The following CLCN7 variants were observed in gnomAD, a reference collection of about 807,000 sequenced individuals.
CLCN7 encodes the protein Cl-/H+ antiporter 7, also known as H(+)/Cl(-) exchange transporter 7.
A neutral mutation model predicts 102.1 loss-of-function variants in CLCN7; 60 were observed. That is an observed-to-expected ratio of 0.59 (90% confidence interval 0.48 to 0.73). The LOEUF is 0.73. Ranked by LOEUF, CLCN7 falls within the 30% of genes least tolerant of loss-of-function variation. CLCN7 has a pLI of 0.00. For missense variants in CLCN7, 962 were observed against 1,125.7 expected, an observed-to-expected ratio of 0.85 and a Z score of 2.08; for synonymous variants, 560 against 490.5, an observed-to-expected ratio of 1.14 and a Z score of -1.87.
intron 15 of CLCN7, chr16:1,452,334 G>T (rs1278780938): frequency 4.2e-5 from 11 of 262,168 alleles, no homozygotes; most frequent in Non-Finnish European, 7.5e-5. Context: ...TGGTTCCTCT[G>T]AGCGTAGTGC....
At chr16:1,452,141 A>C (rs2142373682) in intron 15 of CLCN7, 1 of 301,000 alleles carries the variant, frequency 3.3e-6, no homozygotes, top group African/African-American at 2.2e-5. Flanking sequence ...ACGGGGCTGG[A>C]GCAGAGTGTA....
chr16:1,464,014 A>G (rs1192196271), intron 2 of CLCN7, among the ~76,000 whole-genome samples: 1 of 152,174 alleles, frequency 6.6e-6, no homozygotes, highest in Non-Finnish European at 1.5e-5. Context: ...AGCTCAATGA[A>G]TCCATCTGCT....
rs147296981 is a variant in CLCN7 at position 1,463,719 on chromosome 16, A to G, written c.213+1548T>C. 7.4e-3 allele frequency among the ~76,000 whole-genome samples: 1,130 copies of G among 151,788 alleles called. 20 individuals carry two copies. Among genetic ancestry groups the G allele is most frequent in the African/African-American group, 0.026 (1,066 of 41,298 alleles). On this transcript the variant is annotated intron_variant, in intron 2 of 24. Transcript: ENST00000382745. ...GGCTGATCTCCAAATCCTGGGCTGC[A>G]GCCTTGGTTTCCCAAAGTGTTGGGA... is the stretch of plus-strand genomic sequence containing the variant.
intron 14 of CLCN7, among the ~76,000 whole-genome samples, chr16:1,453,369 C>T (rs1285287476): frequency 6.6e-6 from 1 of 152,170 alleles, no homozygotes; most frequent in Non-Finnish European, 1.5e-5. Context: ...GTCCTCTTCC[C>T]TGGGGTAAAG....
intron 4 of CLCN7, 66 bp downstream of exon 4, chr16:1,461,339 G>T: frequency 2.1e-6 from 3 of 1,402,432 alleles, no homozygotes; most frequent in Non-Finnish European, 3.0e-6. Context: ...CAGAAGAGCA[G>T]CCCCAGGCCC....
chr16:1,465,129 T>TC, intron 2 of CLCN7, 138 bp downstream of exon 2: 2 of 759,418 alleles, frequency 2.6e-6, no homozygotes, highest in Non-Finnish European at 4.6e-6. Context: ...AGGGACCATG[T>TC]CCCCCCAAGG....
intron 1 of CLCN7, 143 bp from the exon 2 acceptor site, chr16:1,465,481 T>TG: frequency 1.3e-6 from 1 of 765,502 alleles, no homozygotes; most frequent in Admixed American, 2.0e-5. Flanking sequence ...GCCTGCTGGG[T>TG]GGGGGCAGCA....
At chr16:1,461,349 C>G in intron 4 of CLCN7, 56 bp downstream of exon 4, 2 of 1,468,298 alleles carry the variant, frequency 1.4e-6, no homozygotes, top group Non-Finnish European at 1.9e-6. Flanking sequence ...GCCCCAGGCC[C>G]GGCCGGCACC....
At chr16:1,471,126 C>T (rs898148918) in intron 1 of CLCN7, among the ~76,000 whole-genome samples, 2 of 152,166 alleles carry the variant, frequency 1.3e-5, no homozygotes. Flanking sequence ...AGAACAGGAA[C>T]AGCAACCCAC....
chr16:1,464,674 G>A (rs960704231), intron 2 of CLCN7, among the ~76,000 whole-genome samples: 3 of 152,236 alleles, frequency 2.0e-5, no homozygotes, highest in African/African-American at 7.2e-5. Flanking sequence ...TGGGGAGAAG[G>A]AGGACGCCCG....
At chr16:1,451,969 T>C in intron 15 of CLCN7, 2 of 485,362 alleles carry the variant, frequency 4.1e-6, no homozygotes, top group Non-Finnish European at 7.7e-6. Context: ...TGTCTAGCCC[T>C]GGGGGGTGGG....
At chr16:1,448,169 C>G (rs567813309) in intron 21 of CLCN7, 186 bp downstream of exon 21, 35 of 823,682 alleles carry the variant, frequency 4.2e-5, no homozygotes, top group South Asian at 4.1e-4. Flanking sequence ...AGGCCGCAGC[C>G]CCCCCCACCA....
intron 2 of CLCN7, among the ~76,000 whole-genome samples, chr16:1,464,122 G>A (rs1024912309): frequency 3.3e-5 from 5 of 152,108 alleles, no homozygotes; most frequent in African/African-American, 4.8e-5. Context: ...CTGAGAAAGT[G>A]AACAGAAAAC....
intron 1 of CLCN7, chr16:1,474,423 C>G (rs990915236): frequency 3.3e-5 from 11 of 337,440 alleles, no homozygotes; most frequent in Middle Eastern, 1.0e-3. Context: ...GGGTCAAAAA[C>G]GCAAACAAAA....
chr16:1,447,341 C>A, intron 23 of CLCN7, 51 bp downstream of exon 23: 2 of 1,511,118 alleles, frequency 1.3e-6, no homozygotes, highest in Non-Finnish European at 1.8e-6. Context: ...GGACCCCACC[C>A]CCTGCTGTTC....
chr16:1,460,240 G>A (rs1241955639), intron 6 of CLCN7, among the ~76,000 whole-genome samples, 178 bp downstream of exon 6: 7 of 151,834 alleles, frequency 4.6e-5, no homozygotes, highest in African/African-American at 1.7e-4. Flanking sequence ...GGGGTGAAGA[G>A]GCCCTGGTGT....
At chr16:1,468,797 C>T (rs769339499) in intron 1 of CLCN7, among the ~76,000 whole-genome samples, 4 of 152,232 alleles carry the variant, frequency 2.6e-5, no homozygotes, top group African/African-American at 4.8e-5. Flanking sequence ...TTTGGGGCTG[C>T]GCTGTTACGG....
intron 2 of CLCN7, among the ~76,000 whole-genome samples, chr16:1,464,387 G>C (rs975144865): frequency 6.6e-6 from 1 of 152,180 alleles, no homozygotes; most frequent in Non-Finnish European, 1.5e-5. Context: ...CAGAGCAAAG[G>C]CTTTGAAGTC....
chr16:1,451,599 C>A (rs1217450346), intron 16 of CLCN7, 24 bp downstream of exon 16: 3 of 1,600,434 alleles, frequency 1.9e-6, no homozygotes, highest in Non-Finnish European at 2.6e-6. Flanking sequence ...CCAGGGCCTG[C>A]CCAGCGGCAC....
Sources: gnomAD v4.1 joint callset for allele counts (sites outside exome capture counted in the v4.1 genomes callset) on GRCh38, gnomAD v4.1.1 for gene constraint, MANE v1.5 for transcripts, NCBI Gene and HGNC (gene_info 2026-07-23, HGNC 2026-07-21) for gene names.